The following DIO2 variants were observed in gnomAD, a reference collection of about 807,000 sequenced individuals.
DIO2 encodes the protein iodothyronine deiodinase 2, also known as type II iodothyronine deiodinase.
A neutral mutation model predicts 21.4 loss-of-function variants in DIO2; 19 were observed. The observed-to-expected ratio is 0.89, with a 90% CI of 0.62 to 1.30. The LOEUF (loss-of-function observed/expected upper bound fraction) is 1.30. Among genes scored for constraint, DIO2 ranks in the 50% most tolerant of loss-of-function variants. DIO2 has a pLI of 0.00. For missense variants in DIO2, 302 were observed against 338.1 expected (o/e 0.89, Z 0.84); for synonymous variants, 122 against 132.9 (o/e 0.92, Z 0.57).
At chr14:80,228,425 T>C (rs934177042) in intron 2 of DIO2, among the ~76,000 whole-genome samples, 2 of 152,200 alleles carry the variant, frequency 1.3e-5, no homozygotes, top group Non-Finnish European at 2.9e-5. Flanking sequence ...GATAATCCAC[T>C]GTCATTCTTC....
rs192106208 is a variant in DIO2 at position 80,202,551 on chromosome 14, G to C, written c.*138C>G. On this transcript the variant is annotated 3_prime_UTR_variant, in exon 2 of 2. Transcript: ENST00000438257. ...TAGTGAAAGAAGTATGGAGCTGTTA[G>C]AGATTCATGTTCTTCCGATAGATAA... 8.1e-3 allele frequency: 7,261 copies of C among 894,376 alleles called. 58 individuals are homozygous for C. Among genetic ancestry groups the C allele is most frequent in the Non-Finnish European group, 9.5e-3 (5,668 of 596,022 alleles). 55.4% of individuals were successfully genotyped at this position (894,376 alleles called of 1,614,324 possible).
At chr14:80,207,261 C>A (rs985816372) in intron 1 of DIO2, among the ~76,000 whole-genome samples, 6 of 152,102 alleles carry the variant, frequency 3.9e-5, no homozygotes, top group Non-Finnish European at 7.4e-5. Flanking sequence ...ATTTGATTCC[C>A]TTGATGATGT....
intron 1 of DIO2, among the ~76,000 whole-genome samples, chr14:80,210,318 C>T (rs1455399068): frequency 6.6e-6 from 1 of 152,110 alleles, no homozygotes; most frequent in East Asian, 1.9e-4. Context: ...GTTGAAAATG[C>T]TCTACTAACA....
chr14:80,202,189 C>G lies in DIO2; in HGVS notation c.*500G>C, dbSNP rs1887755604. The G allele has an allele frequency of 4.7e-6, 2 of 423,626 alleles. No individual in the cohort carries two copies. The highest frequency in any genetic ancestry group is 9.3e-6 in the Non-Finnish European group (2 of 215,324). 26.2% of individuals were successfully genotyped at this position (423,626 alleles called of 1,614,324 possible). ...ATCAGAAATGACTCTAACATAAGGT[C>G]TAACCTTAACACCAACGTCTAACCA... On this transcript the variant is annotated 3_prime_UTR_variant, in exon 2 of 2. Transcript: ENST00000438257.
At chr14:80,221,679 A>G (rs1444607549) in intron 2 of DIO2, among the ~76,000 whole-genome samples, 2 of 152,134 alleles carry the variant, frequency 1.3e-5, no homozygotes, top group African/African-American at 4.8e-5. Context: ...ATAAGAATTC[A>G]TGGAAGTAAT....
chr14:80,227,220 G>C (rs556103930), intron 2 of DIO2, among the ~76,000 whole-genome samples: 1 of 152,130 alleles, frequency 6.6e-6, no homozygotes, highest in Non-Finnish European at 1.5e-5. Context: ...CTCTCCCTCC[G>C]TTAACTGATC....
intron 2 of DIO2, among the ~76,000 whole-genome samples, chr14:80,229,488 A>C (rs1021060115): frequency 3.3e-5 from 5 of 152,116 alleles, no homozygotes; most frequent in African/African-American, 9.7e-5. Flanking sequence ...TGCTGCCCTC[A>C]CACATCTATT....
chr14:80,227,375 C>T (rs913189375), intron 2 of DIO2, among the ~76,000 whole-genome samples: 1 of 152,200 alleles, frequency 6.6e-6, no homozygotes, highest in Non-Finnish European at 1.5e-5. Flanking sequence ...CATGTATATA[C>T]CACTTCCATT....
At chr14:80,210,512 C>T (rs541445180) in intron 1 of DIO2, among the ~76,000 whole-genome samples, 15 of 152,242 alleles carry the variant, frequency 9.9e-5, no homozygotes, top group South Asian at 6.2e-4. Flanking sequence ...TCTAGGGCAA[C>T]GTATTTTATT....
upstream of DIO2, among the ~76,000 whole-genome samples, chr14:80,213,837 AT>A (rs1368648534): frequency 1.3e-5 from 2 of 152,118 alleles, no homozygotes. Flanking sequence ...AAATTCTTTC[AT>A]TTTTTTCATT....
intron 1 of DIO2, among the ~76,000 whole-genome samples, chr14:80,207,718 T>C (rs1021933346): frequency 2.0e-5 from 3 of 152,226 alleles, no homozygotes; most frequent in East Asian, 1.9e-4. Context: ...AGTTGAAGAA[T>C]AGGCTACGTA....
intron 2 of DIO2, among the ~76,000 whole-genome samples, chr14:80,229,085 G>C (rs1247009849): frequency 6.6e-6 from 1 of 152,126 alleles, no homozygotes; most frequent in East Asian, 1.9e-4. Context: ...ACTGGCTCAA[G>C]TCTGGAAATT....
rs1470095408 is a variant in DIO2, at chr14:80,206,361, T to C, written c.223-3073A>G. On this transcript the variant is annotated intron_variant, in intron 1 of 1. Transcript: ENST00000438257. ...TAGCTAAAATAAAGAAAAAAAACTT[T>C]TTTTAGATATGGAAGTTTCCTTTAA... 3 of 1,360,200 alleles carry C rather than the reference T, an allele frequency of 2.2e-6. No individual in the cohort carries two copies. The South Asian group carries it at 4.2e-5, about 19-fold the overall frequency. 84.3% of individuals were successfully genotyped at this position (1,360,200 alleles called of 1,614,324 possible). A position where few individuals can be genotyped will look rare whatever the true frequency, so the allele number is the denominator to read the frequency against.
At chr14:80,207,304 C>A (rs546297221) in intron 1 of DIO2, among the ~76,000 whole-genome samples, 1 of 152,174 alleles carries the variant, frequency 6.6e-6, no homozygotes, top group African/African-American at 2.4e-5. Context: ...AAAGGAAATG[C>A]TGCTTTAGCA....
In DIO2 at chr14:80,199,587, AT is replaced by A. The variant is rs1887633935; in HGVS notation, c.*3101del. On this transcript the variant is annotated 3_prime_UTR_variant, in exon 2 of 2. Coordinates refer to ENST00000438257, the MANE Select transcript of DIO2 (RefSeq NM_013989.5). The stretch of plus-strand genomic sequence containing the variant: ...CCATTCATGCCCATTCAAGAAAATC[AT>A]TGTTGATCCCACTAGTATTTTCACT... 6.6e-6 allele frequency: 1 copy of A among 152,502 alleles called. No individual in the cohort carries two copies. Among genetic ancestry groups the A allele is most frequent in the South Asian group, 2.1e-4 (1 of 4,830 alleles). 9.4% of individuals were successfully genotyped at this position (152,502 alleles called of 1,614,324 possible).
intron 2 of DIO2, among the ~76,000 whole-genome samples, chr14:80,218,393 GAAT>G (rs1325317367): frequency 6.6e-6 from 1 of 152,080 alleles, no homozygotes; most frequent in Non-Finnish European, 1.5e-5. Flanking sequence ...TTTGCCTAAA[GAAT>G]AATAATTATC....
chr14:80,203,498 CTT>C (rs2139997531), intron 1 of DIO2, among the ~76,000 whole-genome samples: 1 of 152,172 alleles, frequency 6.6e-6, no homozygotes, highest in Non-Finnish European at 1.5e-5. Context: ...CAATAAAAGT[CTT>C]TTTCATTCTG....
chr14:80,223,514 T>A (rs1225998769), intron 2 of DIO2, among the ~76,000 whole-genome samples: 1 of 152,190 alleles, frequency 6.6e-6, no homozygotes, highest in Admixed American at 6.5e-5. Flanking sequence ...ATTTAAAGTT[T>A]TAGAGGTAGA....
chr14:80,214,880 T>C (rs1224362552), upstream of DIO2, among the ~76,000 whole-genome samples: 8 of 152,346 alleles, frequency 5.3e-5, no homozygotes, highest in East Asian at 1.5e-3. Context: ...TGGGATATTT[T>C]CCCTAACTCT....
Sources: gnomAD v4.1 joint callset for allele counts (sites outside exome capture counted in the v4.1 genomes callset) on GRCh38, gnomAD v4.1.1 for gene constraint, MANE v1.5 for transcripts, NCBI Gene and HGNC (gene_info 2026-07-23, HGNC 2026-07-21) for gene names.